The following C1QTNF7 variants were observed in gnomAD, a reference collection of about 807,000 sequenced individuals.
C1QTNF7 encodes the protein complement C1q tumor necrosis factor-related protein 7.
In C1QTNF7, 15 loss-of-function variants were observed where a neutral mutation model predicts 19.6. The observed-to-expected ratio is 0.76, with a 90% CI of 0.51 to 1.18. The LOEUF is 1.18. Ranked by LOEUF, C1QTNF7 falls within the 50% of genes most tolerant of loss-of-function variation. The pLI is 0.00. For missense variants in C1QTNF7, 324 were observed against 359.7 expected, an observed-to-expected ratio of 0.90 and a Z score of 0.80; for synonymous variants, 142 against 137.5, an observed-to-expected ratio of 1.03 and a Z score of -0.23.
intron 1 of C1QTNF7, among the ~76,000 whole-genome samples, chr4:15,395,421 G>T (rs190259568): frequency 6.6e-4 from 100 of 152,316 alleles, no homozygotes; most frequent in African/African-American, 2.3e-3. Flanking sequence ...GGGAGGTGCA[G>T]TCTCTCCCCA....
intron 1 of C1QTNF7, among the ~76,000 whole-genome samples, chr4:15,344,951 T>C (rs958724218): frequency 1.3e-5 from 2 of 152,236 alleles, no homozygotes; most frequent in African/African-American, 4.8e-5. Context: ...ATGGTAGTTA[T>C]TCATTAGGTG....
chr4:15,365,885 G>T (rs1482260702), intron 1 of C1QTNF7, among the ~76,000 whole-genome samples: 1 of 152,046 alleles, frequency 6.6e-6, no homozygotes, highest in East Asian at 1.9e-4. Context: ...GGCCTGTTTT[G>T]CTTAGCCTAC....
At chr4:15,401,196 AT>A (rs987063503) in intron 1 of C1QTNF7, among the ~76,000 whole-genome samples, 1 of 152,164 alleles carries the variant, frequency 6.6e-6, no homozygotes, top group Non-Finnish European at 1.5e-5. Context: ...AAAACATATC[AT>A]TTTTGTTGTG....
chr4:15,425,256 C>T (rs1711984359), upstream of C1QTNF7, among the ~76,000 whole-genome samples: 1 of 152,082 alleles, frequency 6.6e-6, no homozygotes, highest in Non-Finnish European at 1.5e-5. Flanking sequence ...TACTGATATG[C>T]TCATTCAGTA....
intron 1 of C1QTNF7, among the ~76,000 whole-genome samples, chr4:15,431,008 T>C (rs1429760433): frequency 6.6e-6 from 1 of 152,076 alleles, no homozygotes; most frequent in African/African-American, 2.4e-5. Context: ...GGGAAATTAT[T>C]TGCTGCTCAT....
intron 1 of C1QTNF7, among the ~76,000 whole-genome samples, chr4:15,384,945 A>G (rs536390140): frequency 2.0e-5 from 3 of 152,316 alleles, no homozygotes; most frequent in East Asian, 3.9e-4. Flanking sequence ...GGACAGACCC[A>G]GGATCAGCCA....
intron 1 of C1QTNF7, among the ~76,000 whole-genome samples, chr4:15,384,058 T>C (rs1718243348): frequency 6.6e-6 from 1 of 152,238 alleles, no homozygotes; most frequent in Admixed American, 6.5e-5. Context: ...GGATCCTGAC[T>C]CACAGCTGTG....
intron 1 of C1QTNF7, among the ~76,000 whole-genome samples, chr4:15,434,780 C>A (rs1175133482): frequency 1.3e-5 from 2 of 152,198 alleles, no homozygotes; most frequent in Non-Finnish European, 2.9e-5. Flanking sequence ...AAGAGACCTG[C>A]TGCCTGCTTC....
At chr4:15,357,697 T>C (rs1283724132) in intron 1 of C1QTNF7, among the ~76,000 whole-genome samples, 2 of 152,204 alleles carry the variant, frequency 1.3e-5, no homozygotes, top group Non-Finnish European at 2.9e-5. Flanking sequence ...TTCACAATAT[T>C]GATTCTTCCT....
intron 1 of C1QTNF7, among the ~76,000 whole-genome samples, chr4:15,413,973 T>G (rs1719497657): frequency 6.6e-6 from 1 of 152,254 alleles, no homozygotes; most frequent in Non-Finnish European, 1.5e-5. Context: ...TCACAATGTG[T>G]ATTTAATTGT....
intron 1 of C1QTNF7, among the ~76,000 whole-genome samples, chr4:15,404,170 C>T (rs912737315): frequency 2.6e-5 from 4 of 151,960 alleles, no homozygotes. Flanking sequence ...AATAAATATC[C>T]ATATAGATAT....
At chr4:15,420,826 CTTTTTTTTTTT>C (rs61609914) in intron 1 of C1QTNF7, among the ~76,000 whole-genome samples, 10 of 66,240 alleles carry the variant, frequency 1.5e-4, no homozygotes, top group African/African-American at 1.2e-4. Flanking sequence ...ACTGCTTTGT[CTTTTTTTTTTT>C]TTTTTTTTTT....
chr4:15,346,473 A>G (rs1182461926), intron 1 of C1QTNF7, among the ~76,000 whole-genome samples: 2 of 152,222 alleles, frequency 1.3e-5, no homozygotes, highest in African/African-American at 2.4e-5. Flanking sequence ...ATATACTATG[A>G]CAGTATTTTG....
At chr4:15,354,921 C>G (rs533544616) in intron 1 of C1QTNF7, among the ~76,000 whole-genome samples, 1 of 152,266 alleles carries the variant, frequency 6.6e-6, no homozygotes, top group East Asian at 1.9e-4. Context: ...CACCCCATTC[C>G]TGCTCACATT....
At chr4:15,349,031 A>G (rs112960022) in intron 1 of C1QTNF7, among the ~76,000 whole-genome samples, 2,730 of 152,312 alleles carry the variant, frequency 0.018, 88 homozygotes, top group African/African-American at 0.062. Context: ...TATTTTACAC[A>G]TGAGACCCAA....
chr4:15,369,858 A>C (rs1017710074), intron 1 of C1QTNF7, among the ~76,000 whole-genome samples: 3 of 152,230 alleles, frequency 2.0e-5, no homozygotes, highest in Admixed American at 6.5e-5. Flanking sequence ...AGATAACACC[A>C]AGAAAGTATT....
intron 1 of C1QTNF7, among the ~76,000 whole-genome samples, chr4:15,420,571 C>T (rs558467576): frequency 1.3e-5 from 2 of 152,330 alleles, no homozygotes; most frequent in South Asian, 4.1e-4. Flanking sequence ...ATTACTTCAT[C>T]AAACTTTATA....
At chr4:15,342,651 C>A (rs1314998408) in intron 1 of C1QTNF7, among the ~76,000 whole-genome samples, 1 of 152,150 alleles carries the variant, frequency 6.6e-6, no homozygotes, top group African/African-American at 2.4e-5. Context: ...CAGGCAGAGG[C>A]CGGCAGGCAA....
At chr4:15,424,552 C>G (rs564200681), upstream of C1QTNF7, among the ~76,000 whole-genome samples, 26 of 152,278 alleles carry the variant, frequency 1.7e-4, no homozygotes, top group South Asian at 1.0e-3. Context: ...TGGCCTCCCC[C>G]CACTAGGAGG....
Sources: allele counts gnomAD v4.1 joint callset (sites outside exome capture counted in the v4.1 genomes callset), GRCh38; gene constraint gnomAD v4.1.1; transcripts MANE v1.5; gene names NCBI Gene and HGNC (gene_info 2026-07-23, HGNC 2026-07-21).